The following PKP4 variants were observed in gnomAD, a reference collection of about 807,000 sequenced individuals.
PKP4 encodes plakophilin-4.
Under a neutral mutation model 145.1 loss-of-function variants are expected in PKP4, and 90 were observed. The observed-to-expected ratio is 0.62, with a 90% CI of 0.52 to 0.74. The LOEUF (loss-of-function observed/expected upper bound fraction) is 0.74, where lower values mean the gene tolerates loss of function less well. Ranked by LOEUF, PKP4 falls within the 30% of genes least tolerant of loss-of-function variation. PKP4 has a pLI of 0.00. For synonymous variants in PKP4, 563 were observed against 577.2 expected, an observed-to-expected ratio of 0.98 and a Z score of 0.35; for missense variants, 1,340 against 1,482.7, an observed-to-expected ratio of 0.90 and a Z score of 1.58.
At chr2:158,531,759 A>G (rs1180025384) in intron 1 of PKP4, among the ~76,000 whole-genome samples, 4 of 152,160 alleles carry the variant, frequency 2.6e-5, no homozygotes, top group African/African-American at 4.8e-5. Flanking sequence ...GGATCCTTCT[A>G]TTCATACTTG....
At chr2:158,569,763 G>C (rs907479453) in intron 2 of PKP4, among the ~76,000 whole-genome samples, 2 of 152,104 alleles carry the variant, frequency 1.3e-5, no homozygotes, top group African/African-American at 4.8e-5. Flanking sequence ...ATAAATCAAA[G>C]AAGTGCTGGG....
At chr2:158,634,512 G>A (rs895404368) in intron 9 of PKP4, among the ~76,000 whole-genome samples, 1 of 151,988 alleles carries the variant, frequency 6.6e-6, no homozygotes, top group African/African-American at 2.4e-5. Context: ...TAATAAGTTA[G>A]AGAAGGCACA....
chr2:158,548,816 TA>T, intron 2 of PKP4: 1 of 240,690 alleles, frequency 4.2e-6, no homozygotes, highest in Non-Finnish European at 8.1e-6. Context: ...ACATCCCCAT[TA>T]AGAGACCACC....
chr2:158,513,530 G>T (rs148346503), intron 1 of PKP4, among the ~76,000 whole-genome samples: 121 of 152,306 alleles, frequency 7.9e-4, no homozygotes, highest in African/African-American at 2.8e-3. Context: ...AGATGTTGGA[G>T]ATTTCTTCTT....
chr2:158,680,364 T>G, intron 21 of PKP4, 65 bp from the exon 22 acceptor site: 1 of 1,247,830 alleles, frequency 8.0e-7, no homozygotes, highest in East Asian at 2.3e-5. Flanking sequence ...CCCACATTAA[T>G]TTTCCTAACA....
chr2:158,673,053 ACT>A (rs1377287374), intron 17 of PKP4, among the ~76,000 whole-genome samples: 5 of 152,204 alleles, frequency 3.3e-5, no homozygotes, highest in African/African-American at 9.6e-5. Context: ...GAGGCCACTG[ACT>A]TAACAGCAGC....
intron 9 of PKP4, among the ~76,000 whole-genome samples, chr2:158,635,051 C>T (rs201149000): frequency 2.0e-5 from 3 of 148,242 alleles, no homozygotes; most frequent in African/African-American, 7.5e-5. Context: ...ATTTTAAGCG[C>T]TTTAGTGTTA....
chr2:158,620,389 G>A (rs1179208437), intron 4 of PKP4, among the ~76,000 whole-genome samples: 3 of 152,084 alleles, frequency 2.0e-5, no homozygotes, highest in Non-Finnish European at 4.4e-5. Flanking sequence ...GATGAGTTTG[G>A]CTGGAAGAAA....
chr2:158,536,258 A>G (rs959443523), intron 2 of PKP4, among the ~76,000 whole-genome samples: 3 of 152,224 alleles, frequency 2.0e-5, no homozygotes, highest in Non-Finnish European at 4.4e-5. Context: ...TCTCACAAAA[A>G]CTGTATACAT....
At chr2:158,633,897 A>T (rs1169933050) in intron 8 of PKP4, among the ~76,000 whole-genome samples, 173 bp from the exon 9 acceptor site, 2 of 152,232 alleles carry the variant, frequency 1.3e-5, no homozygotes, top group African/African-American at 4.8e-5. Context: ...ATGTACATTA[A>T]AAACTTAAGT....
At chr2:158,662,272 G>A (rs2056664412) in intron 13 of PKP4, 1 of 152,276 alleles carries the variant, frequency 6.6e-6, no homozygotes, top group African/African-American at 2.4e-5. Flanking sequence ...ATGAAATTGA[G>A]AGGAGTAAGC....
intron 6 of PKP4, among the ~76,000 whole-genome samples, chr2:158,623,971 C>T (rs564927673): frequency 6.6e-6 from 1 of 152,218 alleles, no homozygotes; most frequent in Non-Finnish European, 1.5e-5. Context: ...CCAGCACCTG[C>T]TGTAACTGCA....
In PKP4 at chr2:158,583,949, T is replaced by G. The variant is rs377735214; in HGVS notation, c.245+6566T>G. ...GGGAGCTGCTCCACTACATACGAAA[T>G]CCAACCCAGAAACAGGTCGTCTACA... On this transcript the variant is annotated intron_variant, in intron 3 of 21. Coordinates refer to ENST00000389759, the MANE Select transcript of PKP4 (RefSeq NM_003628.6). Among the ~76,000 whole-genome samples, 20 of 152,278 alleles carry G rather than the reference T, an allele frequency of 1.3e-4. 2 individuals carry two copies. The highest frequency in any genetic ancestry group is 1.2e-3 in the South Asian group (6 of 4,822).
rs189948636 is a variant in PKP4, at chr2:158,517,480, C to T, written c.-5-15700C>T. Among the ~76,000 whole-genome samples, 1,471 of 152,186 alleles carry T rather than the reference C, an allele frequency of 9.7e-3. 6 individuals carry two copies. Among genetic ancestry groups the T allele is most frequent in the African/African-American group, 0.011 (476 of 41,536 alleles). ...ATTTTATTGTAGTTTGTTAATTTGT[C>T]TTGTGCCTTTTAGATTGTAAGTTGG... On this transcript the variant is annotated intron_variant, in intron 1 of 21. Transcript: ENST00000389759.
rs146526485 is a variant in PKP4, at chr2:158,510,581, C to G, written c.-5-22599C>G. Among the ~76,000 whole-genome samples, 112 of 152,262 alleles carry G rather than the reference C, an allele frequency of 7.4e-4. 2 individuals carry two copies. The East Asian group carries it at 0.021, about 28-fold the overall frequency. ...TTAAGGATGAGGCACTTGCAAAGTG[C>G]CTGTGTGTCAAAGGAAGAAATGATT... On this transcript the variant is annotated intron_variant, in intron 1 of 21. Transcript: ENST00000389759.
chr2:158,588,120 A>C (rs2048959330), intron 3 of PKP4: 1 of 152,138 alleles, frequency 6.6e-6, no homozygotes, highest in Non-Finnish European at 1.5e-5. Context: ...GTAAGTGAAC[A>C]TTTTTGAACA....
intron 4 of PKP4, among the ~76,000 whole-genome samples, chr2:158,605,806 T>C (rs1273107082): frequency 6.6e-6 from 1 of 152,172 alleles, no homozygotes; most frequent in Non-Finnish European, 1.5e-5. Context: ...CCCCCAAACT[T>C]ACCAGTCTTA....
At chr2:158,673,643 C>T (rs778347836) in intron 17 of PKP4, 34 bp from the exon 18 acceptor site, 2 of 1,498,268 alleles carry the variant, frequency 1.3e-6, no homozygotes, top group Middle Eastern at 2.3e-4. Context: ...GGCTGTGTCA[C>T]CCACATTCAT....
In PKP4 at chr2:158,658,224, A is replaced by G. The variant is rs2056187528; in HGVS notation, c.2003A>G (p.His668Arg). ...TTAACAAACACTGTGATTGTTCCAC[A>G]TTCTGGATGGAATAACTCTTCTTTT... ...STLTNTVIVP[H>R]SGWNNSSFDD... Residue 668 changes from histidine to arginine, a missense_variant, in exon 12 of 22, where the codon CAT (histidine) becomes CGT (arginine). Physicochemically the swap from His to Arg is conservative, Grantham distance 29. Coordinates refer to ENST00000389759, the MANE Select transcript of PKP4 (RefSeq NM_003628.6). The G allele has an allele frequency of 6.3e-7, 1 of 1,599,298 alleles. No homozygotes were observed. Among genetic ancestry groups the G allele is most frequent in the Non-Finnish European group, 8.6e-7 (1 of 1,166,884 alleles).
Sources: allele counts gnomAD v4.1 joint callset (sites outside exome capture counted in the v4.1 genomes callset), GRCh38; gene constraint gnomAD v4.1.1; transcripts MANE v1.5; gene names NCBI Gene and HGNC (gene_info 2026-07-23, HGNC 2026-07-21).